The following ERBIN variants were observed in gnomAD, a reference collection of about 807,000 sequenced individuals.
ERBIN encodes the protein erbb2 interacting protein, also known as densin-180-like protein.
ERBIN carries 60 observed loss-of-function variants against 158.4 expected under a neutral mutation model. The ratio of observed to expected loss-of-function variants is 0.38; its 90% CI spans 0.31 to 0.47. The LOEUF (loss-of-function observed/expected upper bound fraction) is 0.47, where lower values mean the gene tolerates loss of function less well. ERBIN is among the 20% of genes least tolerant of loss of function. ERBIN has a pLI of 0.99. For synonymous variants in ERBIN, 594 were observed against 557.2 expected, an observed-to-expected ratio of 1.07 and a Z score of -0.93; for missense variants, 1,610 against 1,648.0, an observed-to-expected ratio of 0.98 and a Z score of 0.40.
At chr5:65,958,809 TC>T (rs1747588826) in intron 1 of ERBIN, among the ~76,000 whole-genome samples, 1 of 152,220 alleles carries the variant, frequency 6.6e-6, no homozygotes, top group Non-Finnish European at 1.5e-5. Flanking sequence ...CATGATGTGT[TC>T]AACACTTTCT....
chr5:66,050,487 C>T lies in ERBIN; in HGVS notation c.1904-296C>T, dbSNP rs1276316855. ...GCCTCGATCTCCTGACCTCGTGATC[C>T]GCCCGCCTCGGCCTCCCAAAGTGCT... On this transcript the variant is annotated intron_variant, in intron 19 of 25. Transcript: ENST00000284037. Among the ~76,000 whole-genome samples the T allele has an allele frequency of 1.1e-3, 6 of 5,540 alleles. 3 individuals are homozygous for T. Among genetic ancestry groups the T allele is most frequent in the Non-Finnish European group, 2.9e-3 (4 of 1,358 alleles). The allele number at this position is 5,540 out of a possible 152,430, so 3.6% of individuals were successfully genotyped here. A position where few individuals can be genotyped will look rare whatever the true frequency, so the allele number is the denominator to read the frequency against.
At chr5:65,964,399 A>C (rs897659607) in intron 1 of ERBIN, among the ~76,000 whole-genome samples, 5 of 152,308 alleles carry the variant, frequency 3.3e-5, no homozygotes, top group African/African-American at 9.6e-5. Context: ...AGAGCTCATA[A>C]CATGTACATA....
At chr5:65,975,578 T>G (rs1444988953) in intron 1 of ERBIN, among the ~76,000 whole-genome samples, 1 of 152,228 alleles carries the variant, frequency 6.6e-6, no homozygotes, top group East Asian at 1.9e-4. Flanking sequence ...AGTGCTGGGA[T>G]TACAGGTGTG....
At chr5:66,035,015 A>T (rs1561404906) in intron 14 of ERBIN, among the ~76,000 whole-genome samples, 1 of 152,072 alleles carries the variant, frequency 6.6e-6, no homozygotes, top group Non-Finnish European at 1.5e-5. Flanking sequence ...AGTGCAGTGG[A>T]GTGGGAGGGC....
Position 66,018,451 on chromosome 5 carries a change from ATATTATATTATATAATATAT to A in ERBIN, c.534-2870_534-2851del. Among the ~76,000 whole-genome samples the A allele has an allele frequency of 1.6e-3, 51 of 31,444 alleles. 7 individuals are homozygous for A. The highest frequency in any genetic ancestry group is 2.4e-3 in the Non-Finnish European group (40 of 16,866). The allele number at this position is 31,444 out of a possible 152,430, so 20.6% of individuals were successfully genotyped here. The stretch of plus-strand genomic sequence containing the variant: ...TAAATTGATATATATAATATAATAT[ATATTATATTATATAATATAT>A]ATTATATATTATATATTATATTATA... On this transcript the variant is annotated intron_variant, in intron 7 of 25. Transcript: ENST00000284037.
At chr5:65,941,381 A>G (rs1237971237) in intron 1 of ERBIN, among the ~76,000 whole-genome samples, 1 of 150,970 alleles carries the variant, frequency 6.6e-6, no homozygotes, top group Non-Finnish European at 1.5e-5. Flanking sequence ...TAGCATTTGC[A>G]TTGTTTTAGG....
chr5:66,024,364 T>C lies in ERBIN; in HGVS notation c.731T>C (p.Met244Thr). ...YLDVSKNNIE[M>T]VEEGISTCEN... ...GATGTTTCTAAAAATAATATTGAAA[T>C]GGTTGAAGAAGGAATTTCAACATGT... The change falls in exon 10 of 26, where the codon ATG becomes ACG. Residue 244 changes from methionine to threonine, a missense_variant. Coordinates refer to ENST00000284037, the MANE Select transcript of ERBIN (RefSeq NM_001253697.2). 6.3e-7 allele frequency: 1 copy of C among 1,595,284 alleles called. No individual in the cohort carries two copies. The highest frequency in any genetic ancestry group is 8.6e-7 in the Non-Finnish European group (1 of 1,167,570).
At chr5:65,994,642 T>C in intron 3 of ERBIN, 105 bp from the exon 4 acceptor site, 1 of 614,960 alleles carries the variant, frequency 1.6e-6, no homozygotes, top group Non-Finnish European at 2.8e-6. Flanking sequence ...GGTATTAGTG[T>C]AGGTTATAAC....
intron 4 of ERBIN, among the ~76,000 whole-genome samples, chr5:66,004,425 C>T (rs1055277701): frequency 1.3e-5 from 2 of 152,068 alleles, no homozygotes; most frequent in Non-Finnish European, 2.9e-5. Context: ...TGAGTTGAGA[C>T]AGAATCTCCG....
At chr5:66,066,450 A>G (rs1445985115) in intron 21 of ERBIN, among the ~76,000 whole-genome samples, 2 of 152,046 alleles carry the variant, frequency 1.3e-5, no homozygotes, top group African/African-American at 2.4e-5. Context: ...GTTAGTAGTA[A>G]TAATCTATTG....
chr5:66,050,821 A>T lies in ERBIN; in HGVS notation c.1942A>T (p.Thr648Ser). Reference sequence around the variant, plus strand: ...AACAGATTCTTTATCAGATGAAGTTACACACAATAGCAATCAGAATAACAG... The same window carrying T: ...AACAGATTCTTTATCAGATGAAGTTTCACACAATAGCAATCAGAATAACAG... ...KETDSLSDEVTHNSNQNNSNC... is the reference protein window; with the variant it reads ...KETDSLSDEVSHNSNQNNSNC... The change falls in exon 20 of 26, where the codon ACA becomes TCA. Residue 648 changes from threonine to serine, a missense_variant. Coordinates refer to ENST00000284037, the MANE Select transcript of ERBIN (RefSeq NM_001253697.2). The T allele has an allele frequency of 6.3e-7, 1 of 1,584,922 alleles. No homozygotes were observed.
rs1268158779 is a variant in ERBIN, at chr5:66,054,705, A to G, written c.3387A>G (p.Ala1129=). 1.9e-6 allele frequency: 3 copies of G among 1,614,160 alleles called. No homozygotes were observed. The highest frequency in any genetic ancestry group is 2.2e-5 in the East Asian group (1 of 44,882). ...MMPGSQRPLS[A]RTYSIDGPNA... is the part of the protein sequence containing the mutation. ...CAGGATCACAGAGACCCCTTTCTGC[A>G]CGAACATACAGCATAGATGGTCCAA... The change falls in exon 21 of 26, where the codon GCA becomes GCG. Residue 1129 remains alanine (A), a synonymous_variant. Transcript: ENST00000284037.
intron 14 of ERBIN, among the ~76,000 whole-genome samples, chr5:66,030,523 C>T (rs7712153): frequency 0.057 from 8,635 of 150,284 alleles, 861 homozygotes; most frequent in African/African-American, 0.2. Flanking sequence ...CTCCTGGTCT[C>T]GAGGAACTCT....
intron 1 of ERBIN, among the ~76,000 whole-genome samples, chr5:65,952,586 G>C (rs1349910560): frequency 6.6e-6 from 1 of 151,520 alleles, no homozygotes; most frequent in African/African-American, 2.4e-5. Flanking sequence ...TGGACTTACT[G>C]TTTAAACTTT....
At position 66,046,394 on chromosome 5, in the gene ERBIN, A is replaced by C. The variant is rs1758444079; in HGVS notation, c.1644A>C (p.Glu548Asp). ...STTTVKSKVD[E>D]REKYMIGNSV... The stretch of plus-strand genomic sequence containing the variant: ...CTACAGTAAAAAGCAAAGTTGATGA[A>C]AGAGAAAAATATATGATAGGAAACT... Residue 548 changes from glutamate (E) to aspartate (D), a missense_variant, in exon 18 of 26, where the codon GAA becomes GAC. Transcript: ENST00000284037. 6 of 1,600,888 alleles carry C rather than the reference A, an allele frequency of 3.7e-6. No individual in the cohort carries two copies. Among genetic ancestry groups the C allele is most frequent in the Middle Eastern group, 1.7e-4 (1 of 6,004 alleles).
At chr5:66,044,830 ACT>A (rs1321516009) in intron 17 of ERBIN, among the ~76,000 whole-genome samples, 107 of 152,050 alleles carry the variant, frequency 7.0e-4, no homozygotes, top group African/African-American at 2.6e-3. Context: ...TTATCCCAGC[ACT>A]TTGGGAGGCC....
chr5:65,957,980 C>T (rs1339502646), intron 1 of ERBIN, among the ~76,000 whole-genome samples: 4 of 145,148 alleles, frequency 2.8e-5, no homozygotes, highest in Admixed American at 6.8e-5. Context: ...ACCTCCCAGA[C>T]GGGGTCGCGG....
intron 21 of ERBIN, among the ~76,000 whole-genome samples, chr5:66,059,068 G>A (rs1311609232): frequency 6.6e-6 from 1 of 152,084 alleles, no homozygotes; most frequent in Non-Finnish European, 1.5e-5. Flanking sequence ...TTCCAATTCT[G>A]TGAAGAGAGT....
intron 1 of ERBIN, among the ~76,000 whole-genome samples, chr5:65,952,065 C>T (rs251608): frequency 0.7 from 106,776 of 152,088 alleles, 39,735 homozygotes; most frequent in Non-Finnish European, 0.84. Flanking sequence ...CATTAGGACT[C>T]ATGTTCTGTG....
Sources: gnomAD v4.1 joint callset for allele counts (sites outside exome capture counted in the v4.1 genomes callset) on GRCh38, gnomAD v4.1.1 for gene constraint, MANE v1.5 for transcripts, NCBI Gene and HGNC (gene_info 2026-07-23, HGNC 2026-07-21) for gene names.